The following SORCS2 variants were observed in gnomAD, a reference collection of about 807,000 sequenced individuals.
The protein encoded by SORCS2 is VPS10 domain-containing receptor SorCS2.
SORCS2 carries 100 observed loss-of-function variants against 141.6 expected under a neutral mutation model. The observed-to-expected ratio is 0.71, with a 90% CI of 0.60 to 0.83. SORCS2 has a LOEUF of 0.83. SORCS2 is among the 40% of genes least tolerant of loss of function. The probability of loss-of-function intolerance (pLI) is 0.00; values close to 1 mark genes in which losing one functional copy is unlikely to be tolerated. For synonymous variants in SORCS2, 789 were observed against 676.9 expected (o/e 1.17, Z -2.57); for missense variants, 1,646 against 1,560.2 (o/e 1.05, Z -0.93).
intron 3 of SORCS2, among the ~76,000 whole-genome samples, chr4:7,627,507 A>T (rs1719589686): frequency 6.6e-6 from 1 of 152,164 alleles, no homozygotes; most frequent in South Asian, 2.1e-4. Flanking sequence ...TAGTTGAGAA[A>T]ATCTCTTTTA....
intron 1 of SORCS2, among the ~76,000 whole-genome samples, chr4:7,208,742 C>A (rs982649680): frequency 6.6e-6 from 1 of 152,224 alleles, no homozygotes; most frequent in African/African-American, 2.4e-5. Flanking sequence ...TCCTGCTCAC[C>A]AGGCACCCCT....
At chr4:7,215,190 G>C (rs1419545210) in intron 1 of SORCS2, among the ~76,000 whole-genome samples, 1 of 152,228 alleles carries the variant, frequency 6.6e-6, no homozygotes, top group Non-Finnish European at 1.5e-5. Context: ...GGAGTTCCGG[G>C]TGGGCGTGGG....
At chr4:7,464,194 G>A (rs1487767184) in intron 2 of SORCS2, among the ~76,000 whole-genome samples, 1 of 152,214 alleles carries the variant, frequency 6.6e-6, no homozygotes, top group East Asian at 1.9e-4. Flanking sequence ...CGATGTCACA[G>A]TGCTGGGATT....
At chr4:7,589,879 T>G (rs1174242558) in intron 3 of SORCS2, among the ~76,000 whole-genome samples, 1 of 152,176 alleles carries the variant, frequency 6.6e-6, no homozygotes, top group Non-Finnish European at 1.5e-5. Flanking sequence ...GACACCTGGA[T>G]CTGTCATATC....
At chr4:7,338,428 A>ATGGG (rs1278600840) in intron 1 of SORCS2, among the ~76,000 whole-genome samples, 1 of 151,182 alleles carries the variant, frequency 6.6e-6, no homozygotes, top group Non-Finnish European at 1.5e-5. Context: ...GGAAGGATGG[A>ATGGG]TGGATGGATG....
At chr4:7,525,539 C>T (rs1733615447) in intron 2 of SORCS2, among the ~76,000 whole-genome samples, 1 of 152,050 alleles carries the variant, frequency 6.6e-6, no homozygotes, top group Admixed American at 6.5e-5. Flanking sequence ...TGAGCAGTGT[C>T]ACTCCATCTT....
chr4:7,434,823 G>A (rs1353124244), intron 2 of SORCS2: 2 of 1,601,896 alleles, frequency 1.2e-6, no homozygotes, highest in Middle Eastern at 1.7e-4. Context: ...GGCCTGAGGT[G>A]GGGCTGGCCC....
intron 1 of SORCS2, among the ~76,000 whole-genome samples, chr4:7,360,378 C>T (rs960921466): frequency 2.0e-5 from 3 of 151,994 alleles, no homozygotes; most frequent in African/African-American, 4.8e-5. Flanking sequence ...ACTGCTGTTC[C>T]TTCTGGGAGG....
intron 2 of SORCS2, among the ~76,000 whole-genome samples, chr4:7,530,298 T>C (rs538232827): frequency 2.2e-4 from 34 of 152,314 alleles, no homozygotes; most frequent in African/African-American, 7.9e-4. Context: ...CACACGTCAG[T>C]GCAGGCCGGG....
chr4:7,669,720 C>A (rs910006163), intron 8 of SORCS2, among the ~76,000 whole-genome samples: 1 of 152,194 alleles, frequency 6.6e-6, no homozygotes, highest in Non-Finnish European at 1.5e-5. Flanking sequence ...AAACCTCTCA[C>A]CTCATCCACC....
At chr4:7,656,836 C>A (rs80181889) in intron 5 of SORCS2, among the ~76,000 whole-genome samples, 10 of 152,348 alleles carry the variant, frequency 6.6e-5, no homozygotes, top group African/African-American at 2.4e-4. Context: ...GATGATCACA[C>A]CTTTCTGGGC....
intron 8 of SORCS2, among the ~76,000 whole-genome samples, chr4:7,674,530 C>T (rs1232493834): frequency 2.8e-5 from 4 of 144,238 alleles, no homozygotes; most frequent in East Asian, 2.1e-4. Context: ...GCTGAGATTG[C>T]GCCATTGCAC....
chr4:7,468,835 T>G (rs748189424), intron 2 of SORCS2, among the ~76,000 whole-genome samples: 16 of 152,244 alleles, frequency 1.1e-4, no homozygotes, highest in Non-Finnish European at 2.1e-4. Flanking sequence ...TTGCATTTGA[T>G]CTTCCCCTTC....
intron 1 of SORCS2, among the ~76,000 whole-genome samples, chr4:7,224,448 C>A (rs1471619118): frequency 6.6e-6 from 1 of 151,010 alleles, no homozygotes; most frequent in Non-Finnish European, 1.5e-5. Context: ...CAAGTCGTGT[C>A]CTCTGGTCTC....
intron 2 of SORCS2, among the ~76,000 whole-genome samples, chr4:7,494,531 G>GAA (rs372636766): frequency 2.0e-5 from 3 of 151,848 alleles, no homozygotes; most frequent in African/African-American, 4.9e-5. Context: ...GAGAGAGAAA[G>GAA]CTCTCTGGTG....
At chr4:7,366,337 T>C (rs112381027) in intron 1 of SORCS2, among the ~76,000 whole-genome samples, 16,266 of 152,004 alleles carry the variant, frequency 0.11, 1,196 homozygotes, top group African/African-American at 0.21. Context: ...GAGTGCGTGG[T>C]GGCTGGAGCT....
At chr4:7,380,887 G>C (rs111560895) in intron 1 of SORCS2, among the ~76,000 whole-genome samples, 1 of 152,150 alleles carries the variant, frequency 6.6e-6, no homozygotes, top group East Asian at 1.9e-4. Flanking sequence ...ATCAAGGCCA[G>C]CCTGGCCAAC....
intron 2 of SORCS2, among the ~76,000 whole-genome samples, chr4:7,410,232 G>C (rs1354789881): frequency 6.6e-6 from 1 of 152,204 alleles, no homozygotes; most frequent in East Asian, 1.9e-4. Flanking sequence ...GGCTGTTCTT[G>C]GTAGATAACG....
chr4:7,250,740 G>A (rs749190060), intron 1 of SORCS2, among the ~76,000 whole-genome samples: 8 of 152,294 alleles, frequency 5.3e-5, no homozygotes, highest in Non-Finnish European at 7.3e-5. Flanking sequence ...GGCAGGCAGC[G>A]CTTTTGCGGC....
Sources: allele counts gnomAD v4.1 joint callset (sites outside exome capture counted in the v4.1 genomes callset), GRCh38; gene constraint gnomAD v4.1.1; transcripts MANE v1.5; gene names NCBI Gene and HGNC (gene_info 2026-07-23, HGNC 2026-07-21).